CDCA7L: variants seen among roughly 807,000 people sequenced by gnomAD.
CDCA7L encodes the protein cell division cycle-associated 7-like protein.
In CDCA7L, 44 loss-of-function variants were observed where a neutral mutation model predicts 57.4. The observed-to-expected ratio is 0.77, with a 90% CI of 0.60 to 0.98. The LOEUF (loss-of-function observed/expected upper bound fraction) is 0.98, where lower values mean the gene tolerates loss of function less well. CDCA7L is among the 50% of genes least tolerant of loss of function. The pLI is 0.00. For synonymous variants in CDCA7L, 236 were observed against 202.8 expected (o/e 1.16, Z -1.39); for missense variants, 644 against 580.6 (o/e 1.11, Z -1.12).
chr7:21,901,995 A>ATCAT lies in CDCA7L; in HGVS notation c.*323_*326dup. On this transcript the variant is annotated 3_prime_UTR_variant, in exon 10 of 10. Coordinates refer to ENST00000406877, the MANE Select transcript of CDCA7L (RefSeq NM_018719.5). ...ATAGATAGATCAAGTGCAGGAGCTG[A>ATCAT]TCATACAATGTTTTCTCTCTAACTT... 8.9e-6 allele frequency: 3 copies of ATCAT among 335,354 alleles called. No homozygotes were observed. Among genetic ancestry groups the ATCAT allele is most frequent in the Non-Finnish European group, 1.1e-5 (2 of 178,156 alleles). 20.8% of individuals were successfully genotyped at this position (335,354 alleles called of 1,614,324 possible). A position where few individuals can be genotyped will look rare whatever the true frequency, so the allele number is the denominator to read the frequency against.
chr7:21,915,968 C>A (rs139838180), intron 2 of CDCA7L, among the ~76,000 whole-genome samples: 310 of 152,224 alleles, frequency 2.0e-3, no homozygotes, highest in Non-Finnish European at 3.6e-3. Flanking sequence ...GACCAGGGAG[C>A]CTCCAGAGAT....
In CDCA7L at chr7:21,903,030, TGAG is replaced by T. The variant is rs1373419001; in HGVS notation, c.1279_1281del (p.Leu427del). 1.9e-6 allele frequency: 3 copies of T among 1,613,650 alleles called. No individual in the cohort carries two copies. The highest frequency in any genetic ancestry group is 2.5e-6 in the Non-Finnish European group (3 of 1,179,678). On this transcript the variant is annotated inframe_deletion, in exon 9 of 10. Transcript: ENST00000406877. ...TAACCATAAAACTTGGCCAGATGAA[TGAG>T]GATTCCTGTGGCACAGCGGCCGTCA...
At chr7:21,925,462 A>G (rs898567657) in intron 1 of CDCA7L, among the ~76,000 whole-genome samples, 1 of 152,250 alleles carries the variant, frequency 6.6e-6, no homozygotes, top group African/African-American at 2.4e-5. Flanking sequence ...GTACCATCAT[A>G]TACATCTAAA....
At position 21,902,277 on chromosome 7, in the gene CDCA7L, T is replaced by TTGGAGTACTCTATGGTGAGGTGGC. The variant is rs1554294824; in HGVS notation, c.*21_*44dup. 2 of 1,560,878 alleles carry TTGGAGTACTCTATGGTGAGGTGGC rather than the reference T, an allele frequency of 1.3e-6. No individual in the cohort carries two copies. Among genetic ancestry groups the TTGGAGTACTCTATGGTGAGGTGGC allele is most frequent in the South Asian group, 2.2e-5 (2 of 90,302 alleles). On this transcript the variant is annotated 3_prime_UTR_variant, in exon 10 of 10. Coordinates refer to ENST00000406877, the MANE Select transcript of CDCA7L (RefSeq NM_018719.5). The stretch of plus-strand genomic sequence containing the variant: ...AGGCACCAATGGTATGCATGTCTTG[T>TTGGAGTACTCTATGGTGAGGTGGC]TGGAGTACTCTATGGTGAGGTGGCT...
In CDCA7L at chr7:21,906,333, A is replaced by C. The variant is rs1224029346; in HGVS notation, c.877T>G (p.Phe293Val). Residue 293 changes from phenylalanine (F) to valine (V), a missense_variant, in exon 6 of 10, where the codon TTT becomes GTT. Physicochemically the swap from Phe to Val is conservative, Grantham distance 50 (BLOSUM62 -1). Transcript: ENST00000406877. ...CGGAAGCTGTAAAACTCTTCCGCAA[A>C]TTTAGCGGCTGAGACAGTGAAGTTC... ...LENFTVSAAK[F>V]AEEFYSFRRR... 2 of 1,610,206 alleles carry C rather than the reference A, an allele frequency of 1.2e-6. No individual in the cohort carries two copies. The highest frequency in any genetic ancestry group is 2.2e-5 in the South Asian group (2 of 90,660).
At chr7:21,929,244 CA>C (rs2128066677) in intron 1 of CDCA7L, among the ~76,000 whole-genome samples, 1 of 152,280 alleles carries the variant, frequency 6.6e-6, no homozygotes, top group East Asian at 1.9e-4. Context: ...CCTTTACAGA[CA>C]AGCAAATGCT....
At chr7:21,937,111 T>C (rs1786192487) in intron 1 of CDCA7L, among the ~76,000 whole-genome samples, 2 of 152,158 alleles carry the variant, frequency 1.3e-5, no homozygotes. Flanking sequence ...AAAAGCCTTG[T>C]ACACTGAAAA....
intron 4 of CDCA7L, among the ~76,000 whole-genome samples, chr7:21,907,753 A>T (rs1785184777): frequency 6.6e-6 from 1 of 152,084 alleles, no homozygotes; most frequent in Non-Finnish European, 1.5e-5. Context: ...GCTCCTTGCA[A>T]CTTCTCAGTG....
chr7:21,910,004 T>G (rs1785265116), intron 3 of CDCA7L, among the ~76,000 whole-genome samples: 1 of 152,188 alleles, frequency 6.6e-6, no homozygotes, highest in South Asian at 2.1e-4. Context: ...ATGCTTTTCT[T>G]CTCACTGGAT....
intron 9 of CDCA7L, chr7:21,902,672 G>A (rs79880738): frequency 0.019 from 9,361 of 486,338 alleles, 242 homozygotes; most frequent in Non-Finnish European, 0.019. Context: ...TTCATAATCT[G>A]TGTCTTTCCC....
rs141140287 is a variant in CDCA7L at position 21,908,383 on chromosome 7, C to T, written c.428G>A (p.Arg143Gln). Residue 143 changes from arginine (R) to glutamine (Q), a missense_variant, in exon 4 of 10, where the codon CGA (arginine) becomes CAA (glutamine). Arg to Gln is a conservative substitution (Grantham distance 43). Transcript: ENST00000406877. ...CTTGGTGGGGAACTGAAAGGCTACT[C>T]GAAGACCAATACTACTTCTTCTAGA... Reference protein sequence around the residue: ...SRSRRSSIGLRVAFQFPTKKL... With the variant: ...SRSRRSSIGLQVAFQFPTKKL... 3.5e-5 allele frequency: 57 copies of T among 1,609,912 alleles called. 1 individual carries two copies. Among genetic ancestry groups the T allele is most frequent in the Middle Eastern group, 3.3e-4 (2 of 6,036 alleles).
chr7:21,909,241 C>T (rs1785238086), intron 3 of CDCA7L, among the ~76,000 whole-genome samples: 1 of 152,164 alleles, frequency 6.6e-6, no homozygotes, highest in African/African-American at 2.4e-5. Context: ...AAGGCAGTAA[C>T]AGGGATACAT....
chr7:21,901,065 A>G lies in CDCA7L; in HGVS notation c.*1257T>C. The stretch of plus-strand genomic sequence containing the variant: ...TTGAAGCCCGTCTCAAGGAGCTGGC[A>G]TGCCCTATGCCGGTCATCTTTGCAA... On this transcript the variant is annotated 3_prime_UTR_variant, in exon 10 of 10. Transcript: ENST00000406877. 1 of 1,613,894 alleles carries G rather than the reference A, an allele frequency of 6.2e-7. No individual in the cohort carries two copies. Among genetic ancestry groups the G allele is most frequent in the Non-Finnish European group, 8.5e-7 (1 of 1,179,800 alleles).
At chr7:21,941,579 T>G (rs1409364065) in intron 1 of CDCA7L, among the ~76,000 whole-genome samples, 1 of 152,188 alleles carries the variant, frequency 6.6e-6, no homozygotes, top group South Asian at 2.1e-4. Context: ...TTACAGGCAG[T>G]ATAAAGCATA....
At chr7:21,916,601 A>T (rs1037676019) in intron 2 of CDCA7L, among the ~76,000 whole-genome samples, 153 bp downstream of exon 2, 1 of 152,152 alleles carries the variant, frequency 6.6e-6, no homozygotes, top group Non-Finnish European at 1.5e-5. Context: ...CCAGTTTTTT[A>T]AAACAGGAAG....
At chr7:21,935,512 A>T (rs746617272) in intron 1 of CDCA7L, among the ~76,000 whole-genome samples, 1 of 152,150 alleles carries the variant, frequency 6.6e-6, no homozygotes, top group Non-Finnish European at 1.5e-5. Context: ...AGTTAGCAAG[A>T]GGAAGGAAAC....
At chr7:21,928,245 A>C (rs1785887397) in intron 1 of CDCA7L, among the ~76,000 whole-genome samples, 1 of 152,234 alleles carries the variant, frequency 6.6e-6, no homozygotes, top group African/African-American at 2.4e-5. Flanking sequence ...ACAAACAGAA[A>C]GGAATAGCAT....
intron 1 of CDCA7L, among the ~76,000 whole-genome samples, chr7:21,928,680 G>A (rs574095087): frequency 2.4e-4 from 36 of 151,548 alleles, no homozygotes; most frequent in Middle Eastern, 6.8e-3. Flanking sequence ...TAGCCAAATC[G>A]ATCAAGCAGA....
chr7:21,927,905 G>A (rs374172841), intron 1 of CDCA7L, among the ~76,000 whole-genome samples: 145 of 152,294 alleles, frequency 9.5e-4, no homozygotes, highest in South Asian at 9.3e-3. Context: ...AGACTTAAAC[G>A]TCTCTGCCTG....
Sources: gnomAD v4.1 joint callset for allele counts (sites outside exome capture counted in the v4.1 genomes callset) on GRCh38, gnomAD v4.1.1 for gene constraint, MANE v1.5 for transcripts, NCBI Gene and HGNC (gene_info 2026-07-23, HGNC 2026-07-21) for gene names.